Variants in REEP1 observed in about 807,000 individuals in gnomAD.
The protein encoded by REEP1 is receptor expression-enhancing protein 1.
A neutral mutation model predicts 40.3 loss-of-function variants in REEP1; 22 were observed. The observed-to-expected ratio is 0.55, with a 90% CI of 0.39 to 0.78. REEP1 has a LOEUF of 0.78. Among genes scored for constraint, REEP1 ranks in the 30% least tolerant of loss-of-function variants. The pLI is 0.00. For synonymous variants in REEP1, 116 were observed against 139.2 expected (o/e 0.83, Z 1.17); for missense variants, 280 against 361.1 (o/e 0.78, Z 1.82).
At chr2:86,268,035 C>T (rs1362335887) in intron 2 of REEP1, among the ~76,000 whole-genome samples, 3 of 151,554 alleles carry the variant, frequency 2.0e-5, no homozygotes, top group Non-Finnish European at 4.4e-5. Flanking sequence ...TAAAACCCTA[C>T]AGCTAACATT....
chr2:86,257,339 TA>T (rs1165738801), intron 3 of REEP1, among the ~76,000 whole-genome samples: 1 of 152,000 alleles, frequency 6.6e-6, no homozygotes, highest in Non-Finnish European at 1.5e-5. Flanking sequence ...TGCATATAGT[TA>T]AAAAAAATTC....
In REEP1 at chr2:86,214,794, T is replaced by G. The variant is rs1362973521; in HGVS notation, c.*2245A>C. On this transcript the variant is annotated 3_prime_UTR_variant, in exon 9 of 9. Coordinates refer to ENST00000538924, the MANE Select transcript of REEP1 (RefSeq NM_001371279.1). ...ACATTAAGACAGAGTTTGGATACCT[T>G]TATATTTTTCAATCTTGAATGAGAA... 1 of 152,644 alleles carries G rather than the reference T, an allele frequency of 6.6e-6. No homozygotes were observed. The highest frequency in any genetic ancestry group is 1.5e-5 in the Non-Finnish European group (1 of 68,048). 9.5% of individuals were successfully genotyped at this position (152,644 alleles called of 1,614,324 possible). A position where few individuals can be genotyped will look rare whatever the true frequency, so the allele number is the denominator to read the frequency against.
In REEP1 at chr2:86,219,749, G is replaced by A. The variant is rs889665364; in HGVS notation, c.783+221C>T. ...GCATAAGCCACTGCACCCGGCTCACGCTCCTATTTCTAAATGAAATTAATA... is the reference window on the plus strand; with the variant it reads ...GCATAAGCCACTGCACCCGGCTCACACTCCTATTTCTAAATGAAATTAATA... On this transcript the variant is annotated intron_variant, in intron 8 of 8. Transcript: ENST00000538924. Among the ~76,000 whole-genome samples, 13 of 152,226 alleles carry A rather than the reference G, an allele frequency of 8.5e-5. No individual in the cohort carries two copies. The East Asian group carries it at 2.1e-3, about 25-fold the overall frequency.
chr2:86,283,705 A>G lies in REEP1; in HGVS notation c.33-1463T>C, dbSNP rs541847162. On this transcript the variant is annotated intron_variant, in intron 1 of 8. Coordinates refer to ENST00000538924, the MANE Select transcript of REEP1 (RefSeq NM_001371279.1). The stretch of plus-strand genomic sequence containing the variant: ...GGCTGTTAACTCTTGACTCACACAT[A>G]CCTTGTGCGAAGTGCTTTAGAGCTT... Among the ~76,000 whole-genome samples, 8 of 152,236 alleles carry G rather than the reference A, an allele frequency of 5.3e-5. No individual in the cohort carries two copies. In the South Asian group the frequency reaches 1.7e-3, roughly 32 times the overall value.
chr2:86,220,878 T>A (rs1244087559), intron 7 of REEP1, among the ~76,000 whole-genome samples: 1 of 152,190 alleles, frequency 6.6e-6, no homozygotes, highest in Non-Finnish European at 1.5e-5. Flanking sequence ...ACGCACAGTA[T>A]TTTTTAAATG....
intron 2 of REEP1, among the ~76,000 whole-genome samples, chr2:86,273,003 A>C (rs1677542893): frequency 6.6e-6 from 1 of 152,118 alleles, no homozygotes; most frequent in Non-Finnish European, 1.5e-5. Context: ...GCACACCTGT[A>C]GTCACAGCTA....
intron 1 of REEP1, among the ~76,000 whole-genome samples, chr2:86,325,660 G>A (rs937821396): frequency 7.2e-5 from 11 of 152,182 alleles, no homozygotes; most frequent in Non-Finnish European, 1.3e-4. Context: ...AGGAATGCCG[G>A]CAGCCACCAG....
At chr2:86,306,278 C>T (rs368017726) in intron 1 of REEP1, among the ~76,000 whole-genome samples, 1 of 152,004 alleles carries the variant, frequency 6.6e-6, no homozygotes, top group Non-Finnish European at 1.5e-5. Context: ...CTCATTCTCT[C>T]TTAACCCTTC....
At chr2:86,283,226 G>C (rs764426275) in intron 1 of REEP1, among the ~76,000 whole-genome samples, 2 of 152,180 alleles carry the variant, frequency 1.3e-5, no homozygotes, top group African/African-American at 2.4e-5. Flanking sequence ...TAATGGATCT[G>C]TTTTGCTCAA....
intron 3 of REEP1, 51 bp downstream of exon 3, chr2:86,263,914 G>T: frequency 1.4e-6 from 2 of 1,410,858 alleles, no homozygotes; most frequent in South Asian, 1.2e-5. Flanking sequence ...CCCCCTGAGT[G>T]ACACTAAGCA....
At chr2:86,255,777 G>A (rs1424561795) in intron 3 of REEP1, among the ~76,000 whole-genome samples, 1 of 152,158 alleles carries the variant, frequency 6.6e-6, no homozygotes, top group Non-Finnish European at 1.5e-5. Context: ...CCCACGTGGT[G>A]CCTTTGAATG....
At chr2:86,326,737 T>A (rs1363985648) in intron 1 of REEP1, among the ~76,000 whole-genome samples, 2 of 151,748 alleles carry the variant, frequency 1.3e-5, no homozygotes, top group African/African-American at 4.8e-5. Flanking sequence ...AAATAAAAAA[T>A]CATAAAGTTT....
intron 1 of REEP1, among the ~76,000 whole-genome samples, chr2:86,327,361 G>C (rs11685863): frequency 0.62 from 94,508 of 151,698 alleles, 30,572 homozygotes; most frequent in African/African-American, 0.81. Context: ...TGTGCAAAGG[G>C]TGCTGGATGG....
intron 1 of REEP1, among the ~76,000 whole-genome samples, chr2:86,295,306 C>T (rs75044286): frequency 0.016 from 2,407 of 152,290 alleles, 51 homozygotes; most frequent in African/African-American, 0.052. Context: ...GCACACCTGC[C>T]CTGCAGATGA....
At chr2:86,313,947 T>C (rs1200774667) in intron 1 of REEP1, among the ~76,000 whole-genome samples, 1 of 152,198 alleles carries the variant, frequency 6.6e-6, no homozygotes, top group Admixed American at 6.5e-5. Flanking sequence ...TAGATTCAAA[T>C]TTAAAACACC....
intron 1 of REEP1, among the ~76,000 whole-genome samples, chr2:86,316,881 A>G (rs751393347): frequency 9.2e-5 from 14 of 152,178 alleles, no homozygotes; most frequent in Non-Finnish European, 7.3e-5. Context: ...AATAATAATC[A>G]AAAGGAGACC....
chr2:86,262,494 A>G (rs935412346), intron 3 of REEP1, among the ~76,000 whole-genome samples: 3 of 152,244 alleles, frequency 2.0e-5, no homozygotes, highest in Non-Finnish European at 4.4e-5. Context: ...AATGGCTGGG[A>G]CATCTACTTC....
chr2:86,278,579 A>AT (rs975864323), intron 2 of REEP1, among the ~76,000 whole-genome samples: 6 of 152,130 alleles, frequency 3.9e-5, no homozygotes, highest in East Asian at 3.9e-4. Context: ...TGTATTGGTT[A>AT]TTTTTTTTCC....
intron 1 of REEP1, among the ~76,000 whole-genome samples, chr2:86,314,867 A>AT (rs1237333973): frequency 2.0e-5 from 3 of 150,156 alleles, no homozygotes; most frequent in Non-Finnish European, 4.5e-5. Flanking sequence ...TAATTTTTCT[A>AT]TTTTTTCTAG....
Sources: allele counts gnomAD v4.1 joint callset (sites outside exome capture counted in the v4.1 genomes callset), GRCh38; gene constraint gnomAD v4.1.1; transcripts MANE v1.5; gene names NCBI Gene and HGNC (gene_info 2026-07-23, HGNC 2026-07-21).